Variants in PDE6A observed in about 807,000 individuals in gnomAD.
PDE6A encodes rod cGMP-specific 3',5'-cyclic phosphodiesterase subunit alpha.
A neutral mutation model predicts 106.3 loss-of-function variants in PDE6A; 84 were observed. That is an observed-to-expected ratio of 0.79 (90% confidence interval 0.66 to 0.95). PDE6A has a LOEUF of 0.95. PDE6A is among the 40% of genes least tolerant of loss of function. The pLI, the probability that PDE6A is intolerant of heterozygous loss-of-function variation, is 0.00. For missense variants in PDE6A, 1,052 were observed against 1,084.9 expected (o/e 0.97, Z 0.43); for synonymous variants, 394 against 386.6 (o/e 1.02, Z -0.23).
intron 6 of PDE6A, among the ~76,000 whole-genome samples, chr5:149,913,275 G>A (rs564603159): frequency 2.0e-5 from 3 of 151,906 alleles, no homozygotes; most frequent in East Asian, 1.9e-4. Flanking sequence ...CCAGCTACTC[G>A]GGAGGCTGAG....
At position 149,902,835 on chromosome 5, in the gene PDE6A, C is replaced by A. The variant is rs1312347584; in HGVS notation, c.1113+813G>T. 7.0e-5 allele frequency among the ~76,000 whole-genome samples: 10 copies of A among 142,656 alleles called. No individual in the cohort carries two copies. In the East Asian group the frequency reaches 1.9e-3, roughly 27 times the overall value. 93.6% of individuals were successfully genotyped at this position (142,656 alleles called of 152,430 possible). A position where few individuals can be genotyped will look rare whatever the true frequency, so the allele number is the denominator to read the frequency against. On this transcript the variant is annotated intron_variant, in intron 8 of 21. Coordinates refer to ENST00000255266, the MANE Select transcript of PDE6A (RefSeq NM_000440.3). ...AGACTCCGTCTCAAAAAAAAAAAAA[C>A]CAAGGAGAGAGAAATTACATTCAGC...
chr5:149,872,087 G>T (rs1390761433), intron 17 of PDE6A, among the ~76,000 whole-genome samples: 1 of 152,158 alleles, frequency 6.6e-6, no homozygotes, highest in Non-Finnish European at 1.5e-5. Flanking sequence ...ACTGTCAAGA[G>T]GAGGGGATGG....
chr5:149,896,283 T>A, intron 12 of PDE6A, 73 bp downstream of exon 12: 2 of 1,255,616 alleles, frequency 1.6e-6, no homozygotes, highest in South Asian at 2.4e-5. Flanking sequence ...AGTTTACAGA[T>A]TGAGTCTTTT....
At position 149,886,386 on chromosome 5, in the gene PDE6A, A is replaced by G. The variant is rs1752307455; in HGVS notation, c.1729-12T>C. 6.3e-7 allele frequency: 1 copy of G among 1,599,082 alleles called. No homozygotes were observed. The highest frequency in any genetic ancestry group is 8.6e-7 in the Non-Finnish European group (1 of 1,166,376). ...TTCAGCTTTCCCGTCTGGAAGGGCAATCAGAGTGCAAATCATTCCTTTTGT... is the reference window on the plus strand; with the variant it reads ...TTCAGCTTTCCCGTCTGGAAGGGCAGTCAGAGTGCAAATCATTCCTTTTGT... On this transcript the variant is annotated splice_polypyrimidine_tract_variant and intron_variant, in intron 13 of 21. Transcript: ENST00000255266.
chr5:149,877,067 G>T (rs1033560832), intron 17 of PDE6A, among the ~76,000 whole-genome samples: 1 of 152,164 alleles, frequency 6.6e-6, no homozygotes, highest in African/African-American at 2.4e-5. Flanking sequence ...GATTAAATCA[G>T]TTGCTACCAT....
At chr5:149,871,042 AG>A (rs753057153) in intron 17 of PDE6A, among the ~76,000 whole-genome samples, 1 of 152,168 alleles carries the variant, frequency 6.6e-6, no homozygotes, top group Non-Finnish European at 1.5e-5. Flanking sequence ...AAAGGCCTTG[AG>A]GGGTACATAG....
chr5:149,884,412 G>A (rs1186661159), intron 16 of PDE6A, 67 bp downstream of exon 16: 21 of 882,936 alleles, frequency 2.4e-5, no homozygotes, highest in African/African-American at 3.4e-5. Flanking sequence ...ATATATGTGT[G>A]TATATATATA....
At chr5:149,896,804 A>G (rs1269818824) in intron 10 of PDE6A, 28 bp from the exon 11 acceptor site, 2 of 1,613,522 alleles carry the variant, frequency 1.2e-6, no homozygotes, top group Non-Finnish European at 1.7e-6. Context: ...GGCAGGGGAA[A>G]AAAAATAGGT....
Position 149,933,982 on chromosome 5 carries a change from A to G in PDE6A, c.665T>C (p.Met222Thr), listed in dbSNP as rs766450947. Residue 222 changes from methionine (M) to threonine (T), a missense_variant, in exon 3 of 22, where the codon ATG (methionine) becomes ACG (threonine). This residue lies in a region of PDE6A where 913 missense variants were observed against 915.2 expected (regional missense o/e 1.00). Coordinates refer to ENST00000255266, the MANE Select transcript of PDE6A (RefSeq NM_000440.3). The part of the protein sequence containing the change: ...LKYLNFANLI[M>T]KVYHLSYLHN... ...CAGGTAACTCAGGTGGTACACCTTC[A>G]TGATTAGATTTGCAAAATTGAGGTA... 1.2e-6 allele frequency: 2 copies of G among 1,613,680 alleles called. No homozygotes were observed. Among genetic ancestry groups the G allele is most frequent in the South Asian group, 1.1e-5 (1 of 91,048 alleles).
chr5:149,898,812 A>G (rs61545687), intron 9 of PDE6A, among the ~76,000 whole-genome samples: 3,556 of 152,246 alleles, frequency 0.023, 121 homozygotes, highest in African/African-American at 0.079. Flanking sequence ...TTTTTGCTCA[A>G]TTTTGCTAAG....
chr5:149,860,704 G>T lies in PDE6A; in HGVS notation c.*191C>A. ...TCATTAGTGTTACTGTATTTTATGT[G>T]TGACCCAAGACAATTCTTCCAATGT... On this transcript the variant is annotated 3_prime_UTR_variant, in exon 22 of 22. Transcript: ENST00000255266. 4.0e-6 allele frequency: 2 copies of T among 494,914 alleles called. No individual in the cohort carries two copies. The highest frequency in any genetic ancestry group is 1.9e-5 in the African/African-American group (1 of 51,738). The allele number at this position is 494,914 out of a possible 1,614,324, so 30.7% of individuals were successfully genotyped here. A position where few individuals can be genotyped will look rare whatever the true frequency, so the allele number is the denominator to read the frequency against.
At chr5:149,904,171 T>C (rs1753095256) in intron 7 of PDE6A, among the ~76,000 whole-genome samples, 1 of 152,154 alleles carries the variant, frequency 6.6e-6, no homozygotes, top group Non-Finnish European at 1.5e-5. Flanking sequence ...CACTTGAACC[T>C]GGGAGGCAGA....
At position 149,859,838 on chromosome 5, in the gene PDE6A, G is replaced by A. The variant is rs144135425; in HGVS notation, c.*1057C>T. The A allele has an allele frequency of 2.9e-4, 44 of 152,366 alleles. No individual in the cohort carries two copies. The highest frequency in any genetic ancestry group is 9.9e-4 in the African/African-American group (41 of 41,576). The allele number at this position is 152,366 out of a possible 1,614,324, so 9.4% of individuals were successfully genotyped here. A position where few individuals can be genotyped will look rare whatever the true frequency, so the allele number is the denominator to read the frequency against. On this transcript the variant is annotated 3_prime_UTR_variant, in exon 22 of 22. Coordinates refer to ENST00000255266, the MANE Select transcript of PDE6A (RefSeq NM_000440.3). ...ATGGGCCAGTGATGTGGTTATGTTA[G>A]AAAACATACTTATTTCTTTAAAGAT... is the stretch of plus-strand genomic sequence containing the variant.
intron 7 of PDE6A, among the ~76,000 whole-genome samples, chr5:149,905,173 G>C (rs978702536): frequency 1.3e-5 from 2 of 151,992 alleles, no homozygotes; most frequent in African/African-American, 4.8e-5. Flanking sequence ...CCCTCTCCTG[G>C]GTCTCCAAAC....
chr5:149,882,269 C>G (rs145976458), intron 17 of PDE6A, among the ~76,000 whole-genome samples: 6 of 151,844 alleles, frequency 4.0e-5, no homozygotes, highest in African/African-American at 1.5e-4. Context: ...CCCCCGTTTC[C>G]GGAGCCTGTC....
intron 7 of PDE6A, among the ~76,000 whole-genome samples, chr5:149,904,129 C>CCAGCTACT (rs1388311239): frequency 6.6e-6 from 1 of 152,166 alleles, no homozygotes; most frequent in Non-Finnish European, 1.5e-5. Flanking sequence ...CGCCTGTAAT[C>CCAGCTACT]CCAGCTACTC....
intron 13 of PDE6A, among the ~76,000 whole-genome samples, chr5:149,892,016 T>C (rs569884227): frequency 3.3e-5 from 5 of 152,294 alleles, no homozygotes; most frequent in Non-Finnish European, 7.4e-5. Context: ...AAAAAGCTAT[T>C]AGAAAATATT....
intron 17 of PDE6A, among the ~76,000 whole-genome samples, chr5:149,876,118 C>A (rs1211653116): frequency 6.6e-6 from 1 of 151,950 alleles, no homozygotes; most frequent in African/African-American, 2.4e-5. Flanking sequence ...TGACCATAAG[C>A]CTCTAAGTGT....
At chr5:149,920,988 A>AAGAAAGAAAGAG (rs1753700864) in intron 5 of PDE6A, among the ~76,000 whole-genome samples, 1 of 128,240 alleles carries the variant, frequency 7.8e-6, no homozygotes, top group Non-Finnish European at 1.5e-5. Flanking sequence ...GAAAGAAAGA[A>AAGAAAGAAAGAG]AGAAAGAAAA....
Sources: gnomAD v4.1 joint callset for allele counts (sites outside exome capture counted in the v4.1 genomes callset) on GRCh38, gnomAD v4.1.1 for gene constraint, gnomAD v4.1.1 regional missense constraint, MANE v1.5 for transcripts, NCBI Gene and HGNC (gene_info 2026-07-23, HGNC 2026-07-21) for gene names.